Variants in PPP1R21 observed in about 807,000 individuals in gnomAD.
PPP1R21 encodes the protein KLRAQ motif containing 1.
Under a neutral mutation model 112.8 loss-of-function variants are expected in PPP1R21, and 85 were observed. The observed-to-expected ratio is 0.75, with a 90% CI of 0.63 to 0.90. The LOEUF (loss-of-function observed/expected upper bound fraction) is 0.90. Among genes scored for constraint, PPP1R21 ranks in the 40% least tolerant of loss-of-function variants. PPP1R21 has a pLI of 0.00. For missense variants in PPP1R21, 1,199 were observed against 901.5 expected, an observed-to-expected ratio of 1.33 and a Z score of -4.23; for synonymous variants, 381 against 322.3, an observed-to-expected ratio of 1.18 and a Z score of -1.95.
At position 48,495,711 on chromosome 2, in the gene PPP1R21, A is replaced by G; in HGVS notation, c.1632A>G (p.Ala544=). Residue 544 remains alanine, a synonymous_variant, in exon 16 of 22, where the codon GCA becomes GCG. Coordinates refer to ENST00000294952, the MANE Select transcript of PPP1R21 (RefSeq NM_001135629.3). ...PLLESVPYEE[A]LANRRILLSS... is the part of the protein sequence containing the mutation. Reference sequence around the variant, plus strand: ...TGGAGTCTGTGCCTTATGAAGAAGCACTGGCAAACCGCCGCATCCTTCTCA... The same window carrying G: ...TGGAGTCTGTGCCTTATGAAGAAGCGCTGGCAAACCGCCGCATCCTTCTCA... 1 of 1,612,512 alleles carries G rather than the reference A, an allele frequency of 6.2e-7. No homozygotes were observed. Among genetic ancestry groups the G allele is most frequent in the Non-Finnish European group, 8.5e-7 (1 of 1,178,500 alleles).
intron 9 of PPP1R21, among the ~76,000 whole-genome samples, chr2:48,469,692 A>G (rs886784081): frequency 6.6e-6 from 1 of 151,486 alleles, no homozygotes; most frequent in Non-Finnish European, 1.5e-5. Flanking sequence ...TGAGAATCAA[A>G]TATATTAATC....
Position 48,514,823 on chromosome 2 carries a change from A to G in PPP1R21, c.*79A>G. On this transcript the variant is annotated 3_prime_UTR_variant, in exon 22 of 22. Transcript: ENST00000294952. The stretch of plus-strand genomic sequence containing the variant: ...GAGCCGCAGGGCTGAGACCACGTCC[A>G]TGCTGGCTGCCTTCAGGAAGCTAAA... The G allele has an allele frequency of 2.1e-6, 3 of 1,450,000 alleles. No individual in the cohort carries two copies. The highest frequency in any genetic ancestry group is 1.2e-5 in the South Asian group (1 of 84,478). The allele number at this position is 1,450,000 out of a possible 1,614,324, so 89.8% of individuals were successfully genotyped here.
intron 21 of PPP1R21, among the ~76,000 whole-genome samples, chr2:48,513,830 A>G (rs1168980164): frequency 6.6e-6 from 1 of 152,200 alleles, no homozygotes; most frequent in Non-Finnish European, 1.5e-5. Flanking sequence ...ATTAAAATGT[A>G]TTCCCAAGAA....
At chr2:48,507,556 A>C (rs921504798) in intron 19 of PPP1R21, among the ~76,000 whole-genome samples, 171 bp downstream of exon 19, 2 of 151,730 alleles carry the variant, frequency 1.3e-5, no homozygotes, top group Non-Finnish European at 2.9e-5. Flanking sequence ...TTTAGTAGAG[A>C]CGGGGTTTCA....
At chr2:48,490,330 G>A (rs367963040) in intron 14 of PPP1R21, among the ~76,000 whole-genome samples, 1 of 151,978 alleles carries the variant, frequency 6.6e-6, no homozygotes, top group African/African-American at 2.4e-5. Context: ...TACTATTACA[G>A]GTTCAATGAA....
Position 48,510,066 on chromosome 2 carries a change from T to G in PPP1R21, c.2137T>G (p.Leu713Val), listed in dbSNP as rs1670566854. Reference protein sequence around the residue: ...LALAEKSKEALTEEMKLASQN... With the variant: ...LALAEKSKEAVTEEMKLASQN... ...CTTGGCTGAAAAGTCTAAGGAAGCA[T>G]TGACAGAAGAAATGAAACTTGCCAG... Residue 713 changes from leucine to valine, a missense_variant, in exon 20 of 22, where the codon TTG becomes GTG. Physicochemically the swap from Leu to Val is conservative, Grantham distance 32. Coordinates refer to ENST00000294952, the MANE Select transcript of PPP1R21 (RefSeq NM_001135629.3). 2.5e-6 allele frequency: 4 copies of G among 1,614,096 alleles called. No homozygotes were observed. The highest frequency in any genetic ancestry group is 3.4e-6 in the Non-Finnish European group (4 of 1,179,958).
At chr2:48,461,400 A>G (rs186386599) in intron 7 of PPP1R21, among the ~76,000 whole-genome samples, 168 bp downstream of exon 7, 28 of 152,316 alleles carry the variant, frequency 1.8e-4, no homozygotes, top group Admixed American at 5.9e-4. Flanking sequence ...TTTAACAGGA[A>G]GATTTTAAAT....
chr2:48,454,771 AC>A (rs766732616), intron 3 of PPP1R21, 30 bp downstream of exon 3: 12 of 1,580,254 alleles, frequency 7.6e-6, no homozygotes, highest in Non-Finnish European at 1.0e-5. Flanking sequence ...AGTTAGTGTG[AC>A]CTTGTCGTTA....
chr2:48,446,196 A>C (rs924990055), intron 1 of PPP1R21, among the ~76,000 whole-genome samples: 1 of 152,218 alleles, frequency 6.6e-6, no homozygotes, highest in Non-Finnish European at 1.5e-5. Flanking sequence ...TGAATGATTC[A>C]TCTCACTTTC....
At chr2:48,497,615 A>T (rs6725724) in intron 16 of PPP1R21, among the ~76,000 whole-genome samples, 26 of 152,096 alleles carry the variant, frequency 1.7e-4, no homozygotes, top group African/African-American at 6.3e-4. Flanking sequence ...TAAATGGCAA[A>T]ACTACAAAAT....
chr2:48,478,781 TTTC>T (rs1668871487), intron 12 of PPP1R21, among the ~76,000 whole-genome samples: 1 of 152,214 alleles, frequency 6.6e-6, no homozygotes, highest in Non-Finnish European at 1.5e-5. Context: ...AATCTACCAA[TTTC>T]TTCTTCATTG....
intron 6 of PPP1R21, among the ~76,000 whole-genome samples, chr2:48,460,671 G>A (rs542536266): frequency 3.5e-4 from 54 of 152,126 alleles, no homozygotes; most frequent in African/African-American, 1.1e-3. Flanking sequence ...TTGTTGCATC[G>A]TTAGAATTAC....
At position 48,441,005 on chromosome 2, in the gene PPP1R21, T is replaced by A. The variant is rs776355014; in HGVS notation, c.52T>A (p.Ser18Thr). ...GTACCAGAAGCTGGCTCAGGAGTAC[T>A]CGAAGGTACCCATCGTGGTCTGGGA... ...GKYQKLAQEY[S>T]KLRAQNQVLK... is the part of the protein sequence containing the mutation. The change falls in exon 1 of 22, where the codon TCG becomes ACG. Residue 18 changes from serine (S) to threonine (T), a missense_variant. Physicochemically the swap from Ser to Thr is moderately conservative, Grantham distance 58. Transcript: ENST00000294952. 1 of 1,606,922 alleles carries A rather than the reference T, an allele frequency of 6.2e-7. No homozygotes were observed. Among genetic ancestry groups the A allele is most frequent in the African/African-American group, 1.3e-5 (1 of 74,676 alleles).
chr2:48,491,888 C>G (rs1485579388), intron 15 of PPP1R21, among the ~76,000 whole-genome samples: 1 of 151,768 alleles, frequency 6.6e-6, no homozygotes, highest in Non-Finnish European at 1.5e-5. Flanking sequence ...ATATAAATTA[C>G]TATGTTTTTA....
intron 17 of PPP1R21, among the ~76,000 whole-genome samples, chr2:48,502,702 A>G (rs1380937567): frequency 8.5e-6 from 1 of 117,778 alleles, no homozygotes; most frequent in African/African-American, 3.5e-5. Flanking sequence ...TTTTTTTGAG[A>G]CGGAGTCTCG....
intron 1 of PPP1R21, among the ~76,000 whole-genome samples, chr2:48,445,135 CTTTT>C (rs756357658): frequency 5.8e-5 from 6 of 102,624 alleles, no homozygotes; most frequent in Non-Finnish European, 5.8e-5. Context: ...TGAATATGAG[CTTTT>C]TTTTTTTTTT....
intron 11 of PPP1R21, among the ~76,000 whole-genome samples, chr2:48,472,302 T>C (rs549621220): frequency 8.9e-4 from 60 of 67,610 alleles, no homozygotes; most frequent in African/African-American, 2.8e-3. Flanking sequence ...ATGAGAGAAA[T>C]AATATTTTAC....
rs34664331 is a variant in PPP1R21, at chr2:48,440,812, C to CGCGGCGGCGGCGGCG, written c.-133_-119dup. On this transcript the variant is annotated 5_prime_UTR_variant, in exon 1 of 22. Transcript: ENST00000294952. Reference sequence around the variant, plus strand: ...GGGAACCCGGAAGTGGAGGAGGAGGCGCGGCGGCGGCGGCGGCGGCGGCTG... The same window carrying CGCGGCGGCGGCGGCG: ...GGGAACCCGGAAGTGGAGGAGGAGGCGCGGCGGCGGCGGCGGCGGCGGCGGCGGCGGCGGCGGCTG... 7.8e-5 allele frequency: 49 copies of CGCGGCGGCGGCGGCG among 626,746 alleles called. No homozygotes were observed. In the Middle Eastern group the frequency reaches 1.3e-3, roughly 16 times the overall value. The allele number at this position is 626,746 out of a possible 1,614,324, so 38.8% of individuals were successfully genotyped here.
chr2:48,461,716 A>C (rs1049649609), intron 7 of PPP1R21, among the ~76,000 whole-genome samples: 2 of 152,176 alleles, frequency 1.3e-5, no homozygotes, highest in African/African-American at 4.8e-5. Context: ...GGAACAACAA[A>C]AAGTTAAAAA....
Sources: allele counts gnomAD v4.1 joint callset (sites outside exome capture counted in the v4.1 genomes callset), GRCh38; gene constraint gnomAD v4.1.1; transcripts MANE v1.5; gene names NCBI Gene and HGNC (gene_info 2026-07-23, HGNC 2026-07-21).